The following PEX7 variants were observed in gnomAD, a reference collection of about 807,000 sequenced individuals.
PEX7 encodes PTS2 receptor.
PEX7 carries 34 observed loss-of-function variants against 47.5 expected under a neutral mutation model. The observed-to-expected ratio is 0.72, with a 90% CI of 0.54 to 0.95. The LOEUF (loss-of-function observed/expected upper bound fraction) is 0.95. Among genes scored for constraint, PEX7 ranks in the 40% least tolerant of loss-of-function variants. The probability of loss-of-function intolerance (pLI) is 0.00; values close to 1 mark genes in which losing one functional copy is unlikely to be tolerated. For missense variants in PEX7, 394 were observed against 400.3 expected (o/e 0.98, Z 0.13); for synonymous variants, 141 against 148.8 (o/e 0.95, Z 0.38).
chr6:136,904,737 G>C (rs563649570), intron 9 of PEX7, among the ~76,000 whole-genome samples: 1 of 151,132 alleles, frequency 6.6e-6, no homozygotes, highest in South Asian at 2.1e-4. Context: ...GGAACTGTAA[G>C]TCCATTAAAC....
intron 6 of PEX7, among the ~76,000 whole-genome samples, chr6:136,867,943 A>G (rs1775104708): frequency 6.6e-6 from 1 of 151,780 alleles, no homozygotes; most frequent in Non-Finnish European, 1.5e-5. Context: ...CTACTCATTC[A>G]CTCACTGACT....
chr6:136,837,361 C>CAAAAAAAA (rs58922622), intron 3 of PEX7, among the ~76,000 whole-genome samples: 39 of 83,404 alleles, frequency 4.7e-4, no homozygotes, highest in South Asian at 9.5e-4. Flanking sequence ...GAGTCTGTCA[C>CAAAAAAAA]AAAAAAAAAA....
At chr6:136,842,509 TGAGTA>T (rs985923541) in intron 3 of PEX7, among the ~76,000 whole-genome samples, 1 of 152,108 alleles carries the variant, frequency 6.6e-6, no homozygotes, top group African/African-American at 2.4e-5. Flanking sequence ...TTTTAGAAGG[TGAGTA>T]GTCATAAGGT....
At chr6:136,879,500 C>T (rs535449108) in intron 8 of PEX7, among the ~76,000 whole-genome samples, 18 of 152,222 alleles carry the variant, frequency 1.2e-4, no homozygotes, top group African/African-American at 4.1e-4. Context: ...CAGTCTAACT[C>T]TCTTTTACTT....
intron 8 of PEX7, among the ~76,000 whole-genome samples, chr6:136,881,222 A>T (rs1775371284): frequency 1.3e-5 from 2 of 152,214 alleles, no homozygotes; most frequent in African/African-American, 4.8e-5. Context: ...CACCAGGAAC[A>T]GGAGGAAACC....
Position 136,887,237 on chromosome 6 carries a change from CTATAT to C in PEX7, c.804-10900_804-10896del, listed in dbSNP as rs759593164. Among the ~76,000 whole-genome samples the C allele has an allele frequency of 2.6e-5, 4 of 152,042 alleles. No homozygotes were observed. The East Asian group carries it at 5.8e-4, about 22-fold the overall frequency. On this transcript the variant is annotated intron_variant, in intron 8 of 9. Transcript: ENST00000318471. ...AAAATCCTGAATTTGCCATTACTAG[CTATAT>C]TATAATTTAATTGTATATTACTTAA...
At position 136,855,390 on chromosome 6, in the gene PEX7, A is replaced by G. The variant is rs184399817; in HGVS notation, c.526+9209A>G. On this transcript the variant is annotated intron_variant, in intron 5 of 9. Transcript: ENST00000318471. ...ACGGAGTCTCTGTCCCCCAGGCTGG[A>G]GTACAATGGTGCAATCTCAGCTCAC... Among the ~76,000 whole-genome samples, 794 of 142,264 alleles carry G rather than the reference A, an allele frequency of 5.6e-3. 5 individuals are homozygous for G. Among genetic ancestry groups the G allele is most frequent in the Non-Finnish European group, 8.2e-3 (541 of 66,344 alleles). 93.3% of individuals were successfully genotyped at this position (142,264 alleles called of 152,430 possible). A position where few individuals can be genotyped will look rare whatever the true frequency, so the allele number is the denominator to read the frequency against.
At chr6:136,822,883 C>A in intron 1 of PEX7, 88 bp downstream of exon 1, 1 of 1,223,316 alleles carries the variant, frequency 8.2e-7, no homozygotes, top group Non-Finnish European at 1.0e-6. Context: ...CGAGGGAAAG[C>A]CCCTCTGAGC....
At chr6:136,877,217 C>T (rs1446475296) in intron 8 of PEX7, among the ~76,000 whole-genome samples, 1 of 151,542 alleles carries the variant, frequency 6.6e-6, no homozygotes, top group Non-Finnish European at 1.5e-5. Flanking sequence ...GATATTAGCC[C>T]CTTGTGAGAT....
intron 9 of PEX7, chr6:136,901,181 T>A (rs191967538): frequency 1.1e-3 from 165 of 152,560 alleles, no homozygotes; most frequent in African/African-American, 3.1e-3. Context: ...AGGAGAGAGA[T>A]AATTTGTATA....
intron 8 of PEX7, among the ~76,000 whole-genome samples, chr6:136,876,594 G>C (rs1223713370): frequency 6.6e-6 from 1 of 152,162 alleles, no homozygotes; most frequent in African/African-American, 2.4e-5. Flanking sequence ...GCGGTGTTCG[G>C]TTTTCTGTTC....
At chr6:136,893,861 G>A (rs374327196) in intron 8 of PEX7, among the ~76,000 whole-genome samples, 2 of 152,170 alleles carry the variant, frequency 1.3e-5, no homozygotes, top group African/African-American at 4.8e-5. Flanking sequence ...CATAAGTTGA[G>A]TACAGAAAAG....
At chr6:136,884,787 T>G (rs1485054956) in intron 8 of PEX7, among the ~76,000 whole-genome samples, 5 of 152,126 alleles carry the variant, frequency 3.3e-5, no homozygotes, top group African/African-American at 1.2e-4. Flanking sequence ...AAATAAAAAC[T>G]TCAACTTTTA....
chr6:136,849,808 G>A (rs1464163401), intron 5 of PEX7, among the ~76,000 whole-genome samples: 1 of 152,186 alleles, frequency 6.6e-6, no homozygotes, highest in Admixed American at 6.5e-5. Context: ...GTGATGTGGT[G>A]CTGAGAAGAA....
chr6:136,839,457 A>G (rs1286206550), intron 3 of PEX7, among the ~76,000 whole-genome samples: 3 of 152,218 alleles, frequency 2.0e-5, no homozygotes, highest in Non-Finnish European at 4.4e-5. Flanking sequence ...GATGAGGTTC[A>G]GATTTCATAA....
intron 9 of PEX7, among the ~76,000 whole-genome samples, chr6:136,899,197 C>G (rs116984154): frequency 0.016 from 2,416 of 150,780 alleles, 26 homozygotes; most frequent in Non-Finnish European, 0.024. Context: ...TCTCCCACCT[C>G]AGCCTCCTAA....
At chr6:136,893,337 C>T (rs1191176163) in intron 8 of PEX7, among the ~76,000 whole-genome samples, 2 of 152,178 alleles carry the variant, frequency 1.3e-5, no homozygotes, top group East Asian at 1.9e-4. Context: ...CACTGTCAGG[C>T]TCCTTGCAGA....
intron 7 of PEX7, 43 bp from the exon 8 acceptor site, chr6:136,872,152 ACAG>A: frequency 6.8e-7 from 1 of 1,474,074 alleles, no homozygotes; most frequent in East Asian, 2.3e-5. Context: ...TGTTATAATC[ACAG>A]CTGACTTCAA....
At chr6:136,853,364 G>A (rs536701625) in intron 5 of PEX7, among the ~76,000 whole-genome samples, 19 of 152,296 alleles carry the variant, frequency 1.2e-4, no homozygotes, top group African/African-American at 9.6e-5. Context: ...GTTTAGTAGA[G>A]AACAGAAGAC....
Sources: gnomAD v4.1 joint callset for allele counts (sites outside exome capture counted in the v4.1 genomes callset) on GRCh38, gnomAD v4.1.1 for gene constraint, MANE v1.5 for transcripts, NCBI Gene and HGNC (gene_info 2026-07-23, HGNC 2026-07-21) for gene names.